RAC1: variants seen among roughly 807,000 people sequenced by gnomAD.
The protein encoded by RAC1 is ras-related C3 botulinum toxin substrate 1.
In RAC1, 2 loss-of-function variants were observed where a neutral mutation model predicts 25.2. The observed-to-expected ratio is 0.08, with a 90% CI of 0.03 to 0.25. The LOEUF (loss-of-function observed/expected upper bound fraction) is 0.25. Ranked by LOEUF, RAC1 falls within the 10% of genes least tolerant of loss-of-function variation. RAC1 has a pLI of 1.00. For missense variants in RAC1, 50 were observed against 235.7 expected (o/e 0.21, Z 5.16); for synonymous variants, 88 against 94.0 (o/e 0.94, Z 0.37).
intron 1 of RAC1, among the ~76,000 whole-genome samples, chr7:6,384,754 C>T (rs1403063672): frequency 1.3e-5 from 2 of 151,216 alleles, no homozygotes; most frequent in African/African-American, 4.9e-5. Flanking sequence ...GCCTCCTGTG[C>T]TGGGATTACA....
chr7:6,392,062 T>C (rs1783106142), intron 3 of RAC1, 21 bp downstream of exon 3: 3 of 1,614,042 alleles, frequency 1.9e-6, no homozygotes, highest in Non-Finnish European at 8.5e-7. Context: ...CAGCTGACTT[T>C]TAATGTGTCT....
chr7:6,398,757 C>G (rs118039194), intron 3 of RAC1: 3 of 1,578,262 alleles, frequency 1.9e-6, no homozygotes, highest in Admixed American at 1.7e-5. Flanking sequence ...TTCAAGCTTT[C>G]TCTGTTCTCT....
At chr7:6,386,173 G>A (rs1333618766) in intron 1 of RAC1, among the ~76,000 whole-genome samples, 3 of 152,130 alleles carry the variant, frequency 2.0e-5, no homozygotes, top group Non-Finnish European at 2.9e-5. Context: ...TTCTCTGTTT[G>A]GCAAGTTTAA....
At chr7:6,393,270 C>A (rs1448313275) in intron 3 of RAC1, among the ~76,000 whole-genome samples, 1 of 152,170 alleles carries the variant, frequency 6.6e-6, no homozygotes, top group Non-Finnish European at 1.5e-5. Flanking sequence ...CCAGACAATT[C>A]AAATTCTTCA....
intron 1 of RAC1, 105 bp from the exon 2 acceptor site, chr7:6,387,107 T>G: frequency 1.4e-6 from 1 of 695,534 alleles, no homozygotes; most frequent in South Asian, 1.8e-5. Context: ...AAGTATGTGA[T>G]GTATATGCCT....
In RAC1 at chr7:6,402,462, G is replaced by A. The variant is rs201247499; in HGVS notation, c.*16G>A. ...GCTGTTGTAAATGTCTCAGCCCCTC[G>A]TTCTTGGTCCTGTCCCTTGGAACCT... On this transcript the variant is annotated 3_prime_UTR_variant, in exon 6 of 6. Coordinates refer to ENST00000348035, the MANE Select transcript of RAC1 (RefSeq NM_006908.5). 2.8e-5 allele frequency: 36 copies of A among 1,285,564 alleles called. No individual in the cohort carries two copies. In the East Asian group the frequency reaches 6.5e-4, roughly 23 times the overall value. The allele number at this position is 1,285,564 out of a possible 1,614,324, so 79.6% of individuals were successfully genotyped here. A position where few individuals can be genotyped will look rare whatever the true frequency, so the allele number is the denominator to read the frequency against.
chr7:6,400,047 C>T, intron 3 of RAC1, 79 bp from the exon 4 acceptor site: 1 of 1,295,700 alleles, frequency 7.7e-7, no homozygotes, highest in East Asian at 2.3e-5. Flanking sequence ...AAGTCCTTCC[C>T]AGCAACATGT....
intron 1 of RAC1, among the ~76,000 whole-genome samples, chr7:6,378,007 C>T (rs188647771): frequency 4.1e-4 from 63 of 152,266 alleles, no homozygotes; most frequent in African/African-American, 1.4e-3. Context: ...TCCCTCCATC[C>T]TGCCCTCCTG....
chr7:6,396,899 G>A (rs571515899), intron 3 of RAC1, among the ~76,000 whole-genome samples: 5 of 152,138 alleles, frequency 3.3e-5, no homozygotes, highest in South Asian at 4.2e-4. Flanking sequence ...GCGTGGTGGC[G>A]GGCACCTGTG....
intron 2 of RAC1, among the ~76,000 whole-genome samples, chr7:6,389,694 A>C (rs932402912): frequency 1.3e-5 from 2 of 152,108 alleles, no homozygotes; most frequent in African/African-American, 2.4e-5. Flanking sequence ...AAAGAAAAAA[A>C]AAATATGTGT....
rs377177565 is a variant in RAC1, at chr7:6,389,935, T to C, written c.108-1989T>C. On this transcript the variant is annotated intron_variant, in intron 2 of 5. Coordinates refer to ENST00000348035, the MANE Select transcript of RAC1 (RefSeq NM_006908.5). ...ACTGATGGAACATTTCCTTCCTTCCTTCCCTCCCTCCCTCTCTCCCTCCCT... is the reference window on the plus strand; with the variant it reads ...ACTGATGGAACATTTCCTTCCTTCCCTCCCTCCCTCCCTCTCTCCCTCCCT... Among the ~76,000 whole-genome samples, 198 of 149,950 alleles carry C rather than the reference T, an allele frequency of 1.3e-3. 1 individual carries two copies. The East Asian group carries it at 0.019, about 14-fold the overall frequency.
intron 4 of RAC1, 103 bp downstream of exon 4, chr7:6,400,291 T>A: frequency 8.2e-7 from 1 of 1,222,232 alleles, no homozygotes; most frequent in Non-Finnish European, 1.2e-6. Flanking sequence ...TTATTTAAAT[T>A]GGTTTTAGCA....
chr7:6,402,214 C>A, intron 5 of RAC1, 102 bp from the exon 6 acceptor site: 1 of 1,499,598 alleles, frequency 6.7e-7, no homozygotes. Flanking sequence ...GGCTGGGAGC[C>A]GGCAGAAGGC....
intron 2 of RAC1, among the ~76,000 whole-genome samples, chr7:6,388,793 T>C (rs558951087): frequency 6.6e-6 from 1 of 152,362 alleles, no homozygotes; most frequent in African/African-American, 2.4e-5. Flanking sequence ...ACTTGGACTC[T>C]TGGTGTTAAC....
intron 3 of RAC1, among the ~76,000 whole-genome samples, chr7:6,396,725 A>G (rs1185424362): frequency 6.6e-6 from 1 of 152,192 alleles, no homozygotes; most frequent in Non-Finnish European, 1.5e-5. Context: ...TGCTCTTTGA[A>G]TGTTAAGTCA....
chr7:6,380,803 C>G (rs1414780401), intron 1 of RAC1, among the ~76,000 whole-genome samples: 1 of 152,160 alleles, frequency 6.6e-6, no homozygotes, highest in East Asian at 1.9e-4. Context: ...TTTATCATGT[C>G]TTCCTGTTAT....
chr7:6,391,628 TAA>T (rs1783095877), intron 2 of RAC1: 2 of 368,278 alleles, frequency 5.4e-6, no homozygotes, highest in Non-Finnish European at 9.9e-6. Flanking sequence ...CTTCTGGGGA[TAA>T]AAGTCTTAAA....
intron 1 of RAC1, among the ~76,000 whole-genome samples, chr7:6,384,116 G>A (rs769439183): frequency 8.6e-5 from 13 of 151,820 alleles, no homozygotes; most frequent in Non-Finnish European, 1.8e-4. Context: ...TTTTTAAAAA[G>A]GTCCCTTAGA....
Position 6,392,453 on chromosome 7 carries a change from A to AT in RAC1, c.225+418dup, listed in dbSNP as rs1009473195. Among the ~76,000 whole-genome samples, 6 of 152,246 alleles carry AT rather than the reference A, an allele frequency of 3.9e-5. 1 individual carries two copies. The highest frequency in any genetic ancestry group is 7.2e-5 in the African/African-American group (3 of 41,544). ...GTAACTAATCTCACAGGTTTAATACATTTTTTCCCACAAAATACATAATTT... is the reference window on the plus strand; with the variant it reads ...GTAACTAATCTCACAGGTTTAATACATTTTTTTCCCACAAAATACATAATTT... On this transcript the variant is annotated intron_variant, in intron 3 of 5. Coordinates refer to ENST00000348035, the MANE Select transcript of RAC1 (RefSeq NM_006908.5).
Sources: gnomAD v4.1 joint callset for allele counts (sites outside exome capture counted in the v4.1 genomes callset) on GRCh38, gnomAD v4.1.1 for gene constraint, MANE v1.5 for transcripts, NCBI Gene and HGNC (gene_info 2026-07-23, HGNC 2026-07-21) for gene names.